ZNF439: variants seen among roughly 807,000 people sequenced by gnomAD.
ZNF439 encodes the protein zinc finger protein 439.
In ZNF439, 40 loss-of-function variants were observed where a neutral mutation model predicts 47.3. That is an observed-to-expected ratio of 0.85 (90% CI 0.66 to 1.10). The LOEUF is 1.10. ZNF439 is among the 50% of genes least tolerant of loss of function. The pLI is 0.00. For missense variants in ZNF439, 556 were observed against 601.1 expected (o/e 0.93, Z 0.78); for synonymous variants, 171 against 198.8 (o/e 0.86, Z 1.18).
chr19:11,856,383 A>C (rs1204861167), intron 1 of ZNF439: 1 of 152,248 alleles, frequency 6.6e-6, no homozygotes, highest in African/African-American at 2.4e-5. Flanking sequence ...TTTGAAAAAC[A>C]TGGCTAAGTA....
intron 1 of ZNF439, among the ~76,000 whole-genome samples, chr19:11,865,712 C>CA (rs71166640): frequency 0.41 from 33,444 of 80,610 alleles, 9,798 homozygotes; most frequent in East Asian, 0.61. Flanking sequence ...TACACTATCA[C>CA]AAAAAAAAAA....
chr19:11,862,125 G>A lies in ZNF439; in HGVS notation c.64-4080G>A, dbSNP rs193107531. Among the ~76,000 whole-genome samples the A allele has an allele frequency of 5.9e-5, 9 of 152,116 alleles. No individual in the cohort carries two copies. In the East Asian group the frequency reaches 1.4e-3, roughly 23 times the overall value. ...ATTTTTTTGTTTTGTTAGAGACAGG[G>A]TCACAAACTCCCAAGCTCAGGTGAT... On this transcript the variant is annotated intron_variant, in intron 1 of 3. Transcript: ENST00000682736.
At chr19:11,856,514 T>G (rs1332443816) in intron 1 of ZNF439, 2 of 152,156 alleles carry the variant, frequency 1.3e-5, no homozygotes, top group Admixed American at 1.3e-4. Flanking sequence ...ATGCAGCATA[T>G]GAGATTAAGT....
intron 1 of ZNF439, among the ~76,000 whole-genome samples, chr19:11,851,385 G>C (rs1484134172): frequency 1.3e-5 from 2 of 152,188 alleles, no homozygotes; most frequent in African/African-American, 4.8e-5. Flanking sequence ...ACATATTATG[G>C]GTATTGGGGT....
In ZNF439 at chr19:11,866,473, G is replaced by GA. The variant is rs576435393; in HGVS notation, c.191-64_191-63insA. On this transcript the variant is annotated intron_variant, in intron 2 of 3. Transcript: ENST00000682736. ...ATGGCTGCTGTAAATCATGGGCATAGGTCTAATAATTTTTTCACAATTTTA... is the reference window on the plus strand; with the variant it reads ...ATGGCTGCTGTAAATCATGGGCATAGAGTCTAATAATTTTTTCACAATTTTA... 222 of 1,603,938 alleles carry GA rather than the reference G, an allele frequency of 1.4e-4. 1 individual carries two copies. The African/African-American group carries it at 2.7e-3, about 19-fold the overall frequency.
chr19:11,855,184 A>G (rs1159081860), intron 1 of ZNF439, among the ~76,000 whole-genome samples: 2 of 152,226 alleles, frequency 1.3e-5, no homozygotes, highest in Non-Finnish European at 2.9e-5. Flanking sequence ...CACCAATGCC[A>G]GCCAAGTTTG....
At chr19:11,861,319 G>A (rs1040718239) in intron 1 of ZNF439, among the ~76,000 whole-genome samples, 5 of 152,178 alleles carry the variant, frequency 3.3e-5, no homozygotes, top group African/African-American at 1.2e-4. Context: ...AAACTGTACA[G>A]GGTGATGTGT....
intron 2 of ZNF439, 72 bp downstream of exon 2, chr19:11,866,403 T>C: frequency 6.2e-7 from 1 of 1,607,906 alleles, no homozygotes. Context: ...TGCTGTTGAG[T>C]GATTTGGAAC....
intron 1 of ZNF439, among the ~76,000 whole-genome samples, chr19:11,861,781 G>A (rs1976547494): frequency 6.6e-6 from 1 of 152,288 alleles, no homozygotes; most frequent in South Asian, 2.1e-4. Flanking sequence ...GTGGGAAATC[G>A]TCATTGAGCG....
intron 1 of ZNF439, among the ~76,000 whole-genome samples, chr19:11,860,801 G>A (rs1417623027): frequency 1.3e-5 from 2 of 152,164 alleles, no homozygotes; most frequent in Non-Finnish European, 2.9e-5. Context: ...GGCTCCAGAT[G>A]TCCCAGTAGA....
chr19:11,866,005 A>G, intron 1 of ZNF439, 200 bp from the exon 2 acceptor site: 2 of 1,401,414 alleles, frequency 1.4e-6, no homozygotes, highest in Non-Finnish European at 1.8e-6. Context: ...ATAAGAGTGA[A>G]ATTCTGTCTC....
chr19:11,866,464 A>T, intron 2 of ZNF439, 73 bp from the exon 3 acceptor site: 1 of 1,601,800 alleles, frequency 6.2e-7, no homozygotes, highest in South Asian at 1.1e-5. Flanking sequence ...GCTGTAAATC[A>T]TGGGCATAGG....
rs372025914 is a variant in ZNF439, at chr19:11,868,298, A to G, written c.1244A>G (p.Tyr415Cys). The change falls in exon 4 of 4, where the codon TAT (tyrosine) becomes TGT (cysteine). Residue 415 changes from tyrosine (Y) to cysteine (C), a missense_variant. By Grantham distance (194) the Tyr-to-Cys change is radical. Coordinates refer to ENST00000682736, the MANE Select transcript of ZNF439 (RefSeq NM_001348719.2). Reference protein sequence around the residue: ...HERTHTGEKPYECKQCGKAFR... With the variant: ...HERTHTGEKPCECKQCGKAFR... ...AGGACTCACACTGGAGAGAAACCCTATGAGTGTAAGCAATGTGGGAAAGCC... is the reference window on the plus strand; with the variant it reads ...AGGACTCACACTGGAGAGAAACCCTGTGAGTGTAAGCAATGTGGGAAAGCC... 5.6e-6 allele frequency: 9 copies of G among 1,614,040 alleles called. No homozygotes were observed. The highest frequency in any genetic ancestry group is 2.7e-5 in the African/African-American group (2 of 75,028).
intron 1 of ZNF439, chr19:11,850,859 G>C (rs940073773): frequency 6.6e-6 from 1 of 152,044 alleles, no homozygotes; most frequent in Admixed American, 6.6e-5. Flanking sequence ...GCGAAACCCC[G>C]TCTCTTCCAA....
At position 11,868,227 on chromosome 19, in the gene ZNF439, A is replaced by G. The variant is rs758609285; in HGVS notation, c.1173A>G (p.Gln391=). ...HSGEKPYKCK[Q]CGKAFTRSGS... is the part of the protein sequence containing the mutation. Reference sequence around the variant, plus strand: ...GAGAGAAACCGTATAAATGCAAGCAATGTGGTAAAGCCTTCACTCGTTCCG... The same window carrying G: ...GAGAGAAACCGTATAAATGCAAGCAGTGTGGTAAAGCCTTCACTCGTTCCG... The change falls in exon 4 of 4, where the codon CAA becomes CAG. Residue 391 remains glutamine, a synonymous_variant. Transcript: ENST00000682736. 10 of 1,613,938 alleles carry G rather than the reference A, an allele frequency of 6.2e-6. No homozygotes were observed. Among genetic ancestry groups the G allele is most frequent in the Non-Finnish European group, 8.5e-6 (10 of 1,180,004 alleles).
intron 1 of ZNF439, among the ~76,000 whole-genome samples, chr19:11,859,119 A>G (rs954784174): frequency 6.6e-6 from 1 of 152,232 alleles, no homozygotes; most frequent in Non-Finnish European, 1.5e-5. Context: ...CTCAAAAGCT[A>G]AAGTTACGGT....
intron 1 of ZNF439, chr19:11,865,877 A>T: frequency 2.6e-6 from 1 of 383,374 alleles, no homozygotes; most frequent in Non-Finnish European, 4.0e-6. Context: ...AAAATACAAA[A>T]TTAGCCGGGT....
chr19:11,854,520 G>A (rs1243231443), intron 1 of ZNF439, among the ~76,000 whole-genome samples: 5 of 152,218 alleles, frequency 3.3e-5, no homozygotes, highest in Non-Finnish European at 7.3e-5. Context: ...AGCACTTTGG[G>A]AGGCCAAGGC....
chr19:11,849,533 T>G (rs1363238011), intron 1 of ZNF439: 1 of 154,886 alleles, frequency 6.5e-6, no homozygotes, highest in African/African-American at 2.4e-5. Context: ...TTTATTCATT[T>G]CAGAGAGACA....
Sources: allele counts gnomAD v4.1 joint callset (sites outside exome capture counted in the v4.1 genomes callset), GRCh38; gene constraint gnomAD v4.1.1; transcripts MANE v1.5; gene names NCBI Gene and HGNC (gene_info 2026-07-23, HGNC 2026-07-21).